KGD4: variants seen among roughly 807,000 people sequenced by gnomAD.
The protein encoded by KGD4 is alpha-ketoglutarate dehydrogenase subunit 4, also known as alpha-ketoglutarate dehydrogenase component 4.
At chr5:69,228,433 A>G in the KGD4 span, 7 of 1,529,230 alleles carry the variant, frequency 4.6e-6, no homozygotes, top group Non-Finnish European at 6.2e-6. Context: ...ACACCATAAC[A>G]TTTGGGCTTT....
chr5:69,220,226 CAAA>C, the KGD4 span, among the ~76,000 whole-genome samples: 1 of 124,372 alleles, frequency 8.0e-6, no homozygotes, highest in African/African-American at 3.0e-5. Context: ...GACCCTGACT[CAAA>C]AAAAAAAAAC....
the KGD4 span, among the ~76,000 whole-genome samples, chr5:69,218,336 G>C: frequency 6.6e-6 from 1 of 152,258 alleles, no homozygotes; most frequent in Non-Finnish European, 1.5e-5. Context: ...GGGAATGGTC[G>C]GGCAACTGGC....
At chr5:69,217,915 G>C in the KGD4 span, 22 of 1,613,804 alleles carry the variant, frequency 1.4e-5, no homozygotes, top group South Asian at 7.7e-5. Context: ...CGGTAGGGAC[G>C]GTGCTGACTA....
At chr5:69,229,082 TCA>T in the KGD4 span, 1 of 706,744 alleles carries the variant, frequency 1.4e-6, no homozygotes, top group Non-Finnish European at 2.4e-6. Flanking sequence ...TTTGACTAAT[TCA>T]AAACTATTTT....
At chr5:69,222,881 A>G in the KGD4 span, among the ~76,000 whole-genome samples, 3 of 150,548 alleles carry the variant, frequency 2.0e-5, no homozygotes, top group Admixed American at 6.6e-5. Context: ...GGTTCAAGCA[A>G]TTTTCTGCCT....
the KGD4 span, among the ~76,000 whole-genome samples, chr5:69,220,334 C>T: frequency 1.3e-5 from 2 of 152,076 alleles, no homozygotes; most frequent in African/African-American, 4.8e-5. Flanking sequence ...GATAGGAAGT[C>T]ACAAAGCGTG....
the KGD4 span, among the ~76,000 whole-genome samples, chr5:69,218,271 C>A: frequency 6.6e-6 from 1 of 152,174 alleles, no homozygotes; most frequent in Non-Finnish European, 1.5e-5. Flanking sequence ...AAGGCGGTAG[C>A]GGGGCGTGGA....
At chr5:69,228,430 A>G in the KGD4 span, 1 of 1,537,958 alleles carries the variant, frequency 6.5e-7, no homozygotes, top group South Asian at 1.3e-5. Flanking sequence ...AAAACACCAT[A>G]ACATTTGGGC....
chr5:69,224,723 C>T, the KGD4 span, among the ~76,000 whole-genome samples: 1 of 152,020 alleles, frequency 6.6e-6, no homozygotes, highest in Non-Finnish European at 1.5e-5. Context: ...CACATCATGC[C>T]AGTGCACTCC....
chr5:69,226,462 T>C, the KGD4 span: 1 of 1,116,614 alleles, frequency 9.0e-7, no homozygotes, highest in Non-Finnish European at 1.3e-6. Context: ...TATAAATGAG[T>C]ATTTTATTAT....
chr5:69,218,901 T>TA, the KGD4 span, among the ~76,000 whole-genome samples: 1 of 152,170 alleles, frequency 6.6e-6, no homozygotes, highest in African/African-American at 2.4e-5. Flanking sequence ...ATCAACTAGT[T>TA]AAAGATTCTG....
the KGD4 span, among the ~76,000 whole-genome samples, chr5:69,228,778 G>A: frequency 1.3e-5 from 2 of 152,054 alleles, no homozygotes; most frequent in Admixed American, 1.3e-4. Context: ...ACTTTGGGAG[G>A]CCAAGGCAGG....
At chr5:69,227,334 G>T in the KGD4 span, among the ~76,000 whole-genome samples, 166 of 152,156 alleles carry the variant, frequency 1.1e-3, 1 homozygote, top group Middle Eastern at 0.017. Context: ...AACCATTCCT[G>T]TTTCTCTCCT....
At chr5:69,228,670 A>G in the KGD4 span, among the ~76,000 whole-genome samples, 1 of 152,182 alleles carries the variant, frequency 6.6e-6, no homozygotes, top group East Asian at 1.9e-4. Flanking sequence ...TGATACCAAG[A>G]AATTTAAGGA....
chr5:69,219,023 T>C, the KGD4 span, among the ~76,000 whole-genome samples: 2 of 152,170 alleles, frequency 1.3e-5, no homozygotes, highest in Non-Finnish European at 2.9e-5. Context: ...GCACAAAAGA[T>C]ACCCAAATGA....
chr5:69,217,968 C>T, the KGD4 span: 9 of 1,591,920 alleles, frequency 5.7e-6, no homozygotes, highest in Admixed American at 8.6e-5. Flanking sequence ...AGAGGCAGAG[C>T]GGTGACCGCG....
At chr5:69,218,169 T>A in the KGD4 span, 1 of 458,502 alleles carries the variant, frequency 2.2e-6, no homozygotes, top group Non-Finnish European at 3.9e-6. Context: ...CTTGTTAGTC[T>A]TAGGCGTGTG....
chr5:69,224,615 A>G, the KGD4 span, among the ~76,000 whole-genome samples: 2 of 152,040 alleles, frequency 1.3e-5, no homozygotes, highest in Non-Finnish European at 2.9e-5. Flanking sequence ...TCAGGAGGCC[A>G]GGTGCAGTGG....
chr5:69,228,362 C>A, the KGD4 span: 5 of 1,600,232 alleles, frequency 3.1e-6, no homozygotes, highest in Non-Finnish European at 4.2e-6. Flanking sequence ...AAACTTGTGT[C>A]TCAAGAAGAA....
Sources: allele counts gnomAD v4.1 joint callset (sites outside exome capture counted in the v4.1 genomes callset), GRCh38; gene constraint gnomAD v4.1.1; transcripts MANE v1.5; gene names NCBI Gene and HGNC (gene_info 2026-07-23, HGNC 2026-07-21).